The following NLGN1 variants were observed in gnomAD, a reference collection of about 807,000 sequenced individuals.
The protein encoded by NLGN1 is neuroligin 1.
In NLGN1, 12 loss-of-function variants were observed where a neutral mutation model predicts 65.5. The ratio of observed to expected loss-of-function variants is 0.18; its 90% CI spans 0.12 to 0.30. The LOEUF (loss-of-function observed/expected upper bound fraction) is 0.30, where lower values mean the gene tolerates loss of function less well. Ranked by LOEUF, NLGN1 falls within the 10% of genes least tolerant of loss-of-function variation. The pLI is 1.00. For synonymous variants in NLGN1, 350 were observed against 359.5 expected (o/e 0.97, Z 0.30); for missense variants, 750 against 1,007.1 (o/e 0.74, Z 3.46).
intron 4 of NLGN1, among the ~76,000 whole-genome samples, chr3:174,185,410 A>G (rs564552895): frequency 1.3e-5 from 2 of 152,224 alleles, no homozygotes; most frequent in East Asian, 3.9e-4. Context: ...GAACGCTTGA[A>G]ATGTGGCTGA....
intron 3 of NLGN1, among the ~76,000 whole-genome samples, chr3:173,753,911 T>C (rs1357845499): frequency 7.6e-6 from 1 of 131,006 alleles, no homozygotes; most frequent in Non-Finnish European, 1.6e-5. Context: ...CCAAAAATGC[T>C]CTTCCCCCAG....
chr3:173,616,688 T>C (rs1020292768), intron 3 of NLGN1, among the ~76,000 whole-genome samples: 1 of 152,088 alleles, frequency 6.6e-6, no homozygotes, highest in African/African-American at 2.4e-5. Context: ...CTCTCCTTCC[T>C]TCTCCATTTC....
chr3:174,047,250 C>A (rs917560073), intron 4 of NLGN1, among the ~76,000 whole-genome samples: 4 of 151,874 alleles, frequency 2.6e-5, no homozygotes, highest in African/African-American at 9.7e-5. Context: ...ATAAAGTGTA[C>A]ATTTTTCTAT....
intron 2 of NLGN1, among the ~76,000 whole-genome samples, chr3:173,533,060 T>C (rs1004474890): frequency 1.3e-5 from 2 of 152,202 alleles, no homozygotes; most frequent in African/African-American, 4.8e-5. Flanking sequence ...TTTCCTGTAG[T>C]TACTTAGAAA....
chr3:174,293,873 A>G, the NLGN1 span, among the ~76,000 whole-genome samples: 1 of 151,750 alleles, frequency 6.6e-6, no homozygotes, highest in East Asian at 1.9e-4. Context: ...TTTGGAAAGA[A>G]CATAGAAAAC....
At chr3:174,053,405 A>G (rs1376964559) in intron 4 of NLGN1, among the ~76,000 whole-genome samples, 1 of 152,074 alleles carries the variant, frequency 6.6e-6, no homozygotes, top group Non-Finnish European at 1.5e-5. Flanking sequence ...CAATTTTATT[A>G]ACTACAAATG....
chr3:173,580,391 C>G (rs1197596671), intron 2 of NLGN1, among the ~76,000 whole-genome samples: 1 of 151,896 alleles, frequency 6.6e-6, no homozygotes. Context: ...CTTTTATTTC[C>G]ATTATTATTA....
chr3:173,666,431 C>T (rs2149712469), intron 3 of NLGN1, among the ~76,000 whole-genome samples: 1 of 152,198 alleles, frequency 6.6e-6, no homozygotes, highest in South Asian at 2.1e-4. Flanking sequence ...AAAAGCTACA[C>T]TATGAAGGGA....
intron 4 of NLGN1, among the ~76,000 whole-genome samples, chr3:174,039,503 AC>A (rs1302925486): frequency 2.0e-5 from 3 of 152,034 alleles, no homozygotes; most frequent in Non-Finnish European, 4.4e-5. Context: ...TATGGGAAGA[AC>A]TATCCAAGAT....
chr3:174,272,775 A>AAGAG (rs1749708257), intron 4 of NLGN1, among the ~76,000 whole-genome samples: 1 of 151,686 alleles, frequency 6.6e-6, no homozygotes, highest in Non-Finnish European at 1.5e-5. Context: ...AATCAGGAGT[A>AAGAG]AGAGAAATTC....
chr3:173,857,530 A>G (rs1331582634), intron 4 of NLGN1, among the ~76,000 whole-genome samples: 8 of 152,068 alleles, frequency 5.3e-5, no homozygotes, highest in Non-Finnish European at 8.8e-5. Context: ...ACAATGGACA[A>G]TATTGTTATT....
chr3:173,960,542 C>T (rs1045964094), intron 4 of NLGN1, among the ~76,000 whole-genome samples: 2 of 151,860 alleles, frequency 1.3e-5, no homozygotes, highest in African/African-American at 4.8e-5. Context: ...GAATATGTGG[C>T]TTAAGACGTA....
intron 4 of NLGN1, among the ~76,000 whole-genome samples, chr3:174,168,584 T>C (rs1411777471): frequency 6.6e-6 from 1 of 152,076 alleles, no homozygotes. Flanking sequence ...ATGTCACTTA[T>C]AGGTAAGAGC....
At chr3:174,064,158 C>CA (rs1737988494) in intron 4 of NLGN1, among the ~76,000 whole-genome samples, 1 of 151,168 alleles carries the variant, frequency 6.6e-6, no homozygotes, top group Non-Finnish European at 1.5e-5. Flanking sequence ...ACAACAACAA[C>CA]AAAAAACAAT....
chr3:174,205,925 GCCCA>G, intron 4 of NLGN1, among the ~76,000 whole-genome samples: 1 of 152,090 alleles, frequency 6.6e-6, no homozygotes, highest in Non-Finnish European at 1.5e-5. Context: ...TCAATTCAGT[GCCCA>G]GCAACCAGAG....
At chr3:174,143,274 TGCAGATTTTATAGA>T (rs1722628827) in intron 4 of NLGN1, among the ~76,000 whole-genome samples, 1 of 152,270 alleles carries the variant, frequency 6.6e-6, no homozygotes, top group Admixed American at 6.5e-5. Context: ...TATGGGCTAC[TGCAGATTTTATAGA>T]GCAGGAAGAC....
chr3:173,574,213 A>T (rs1315251527), intron 2 of NLGN1, among the ~76,000 whole-genome samples: 1 of 151,984 alleles, frequency 6.6e-6, no homozygotes, highest in East Asian at 1.9e-4. Context: ...ATTAATTTTG[A>T]AGTTTTTATT....
intron 2 of NLGN1, among the ~76,000 whole-genome samples, chr3:173,590,952 C>A (rs1327730431): frequency 6.6e-6 from 1 of 152,010 alleles, no homozygotes; most frequent in East Asian, 1.9e-4. Flanking sequence ...GAGCTATTTT[C>A]TTCCATGAAG....
chr3:173,488,120 ATTT>A (rs148794020), intron 2 of NLGN1, among the ~76,000 whole-genome samples: 2,177 of 151,638 alleles, frequency 0.014, 25 homozygotes, highest in Non-Finnish European at 0.022. Context: ...TTAACATTAG[ATTT>A]TTTAACACTC....
Sources: allele counts gnomAD v4.1 joint callset (sites outside exome capture counted in the v4.1 genomes callset), GRCh38; gene constraint gnomAD v4.1.1; transcripts MANE v1.5; gene names NCBI Gene and HGNC (gene_info 2026-07-23, HGNC 2026-07-21).